PTPRD: variants seen among roughly 807,000 people sequenced by gnomAD.
PTPRD encodes protein tyrosine phosphatase receptor type D.
Under a neutral mutation model 214.5 loss-of-function variants are expected in PTPRD, and 34 were observed. The observed-to-expected ratio is 0.16, with a 90% CI of 0.12 to 0.21. The LOEUF is 0.21. PTPRD is among the 10% of genes least tolerant of loss of function. The pLI is 1.00. For synonymous variants in PTPRD, 1,128 were observed against 845.7 expected (o/e 1.33, Z -5.79); for missense variants, 2,545 against 2,398.7 (o/e 1.06, Z -1.27).
At chr9:9,504,045 A>T (rs1192646322) in intron 8 of PTPRD, among the ~76,000 whole-genome samples, 2 of 151,620 alleles carry the variant, frequency 1.3e-5, no homozygotes, top group African/African-American at 2.4e-5. Flanking sequence ...CCCCAAATGC[A>T]CCACATAGTT....
At chr9:9,318,202 CAAACAA>C (rs1569567317) in intron 9 of PTPRD, among the ~76,000 whole-genome samples, 1 of 140,310 alleles carries the variant, frequency 7.1e-6, no homozygotes, top group African/African-American at 2.7e-5. Context: ...AACAAACAAA[CAAACAA>C]AAACAAACAA....
chr9:10,602,706 T>C (rs2078285582), intron 2 of PTPRD, among the ~76,000 whole-genome samples: 1 of 151,862 alleles, frequency 6.6e-6, no homozygotes, highest in South Asian at 2.1e-4. Flanking sequence ...CCACAAATAA[T>C]TGTAATTAAA....
chr9:9,741,167 A>C (rs1272918749), intron 6 of PTPRD, among the ~76,000 whole-genome samples: 1 of 152,196 alleles, frequency 6.6e-6, no homozygotes, highest in African/African-American at 2.4e-5. Flanking sequence ...AAAACGCTAT[A>C]GCTTTTTCTG....
At chr9:10,465,549 G>T (rs774016241) in intron 2 of PTPRD, among the ~76,000 whole-genome samples, 3 of 152,008 alleles carry the variant, frequency 2.0e-5, no homozygotes, top group Non-Finnish European at 4.4e-5. Context: ...GATTATACCG[G>T]AACTGAAAAA....
intron 8 of PTPRD, among the ~76,000 whole-genome samples, chr9:9,459,965 C>A (rs1043488299): frequency 7.2e-5 from 11 of 151,976 alleles, no homozygotes; most frequent in Admixed American, 6.6e-4. Context: ...CTATAGTAAC[C>A]AAAACACCAT....
intron 2 of PTPRD, among the ~76,000 whole-genome samples, chr9:10,481,202 A>C (rs989406178): frequency 6.6e-6 from 1 of 152,208 alleles, no homozygotes; most frequent in Non-Finnish European, 1.5e-5. Flanking sequence ...TTAAGGGCAT[A>C]GACGGTATAT....
intron 27 of PTPRD, 87 bp from the exon 28 acceptor site, chr9:8,486,436 T>C (rs763856636): frequency 1.8e-6 from 2 of 1,141,146 alleles, no homozygotes; most frequent in South Asian, 2.5e-5. Flanking sequence ...TCCACTCTAC[T>C]GGTATTCCCA....
chr9:8,896,436 T>G (rs1240403160), intron 11 of PTPRD, among the ~76,000 whole-genome samples: 1 of 152,112 alleles, frequency 6.6e-6, no homozygotes, highest in Non-Finnish European at 1.5e-5. Flanking sequence ...TTACCCAAGC[T>G]TAAAATAGCA....
intron 7 of PTPRD, among the ~76,000 whole-genome samples, chr9:9,656,280 T>C (rs2096510796): frequency 6.6e-6 from 1 of 152,326 alleles, no homozygotes; most frequent in East Asian, 1.9e-4. Flanking sequence ...CAAAATGCGT[T>C]GAAAACTTAT....
At chr9:9,971,082 T>C (rs957302417) in intron 4 of PTPRD, among the ~76,000 whole-genome samples, 39 of 152,220 alleles carry the variant, frequency 2.6e-4, no homozygotes, top group Admixed American at 2.2e-3. Flanking sequence ...TAATTGGTTC[T>C]ATTTGTCACC....
chr9:10,562,837 A>T (rs1474582840), intron 2 of PTPRD, among the ~76,000 whole-genome samples: 1 of 152,150 alleles, frequency 6.6e-6, no homozygotes, highest in Non-Finnish European at 1.5e-5. Flanking sequence ...CTTAGAGTCA[A>T]GATTTGCTCA....
chr9:9,823,566 C>G (rs2051557638), intron 5 of PTPRD, among the ~76,000 whole-genome samples: 1 of 152,012 alleles, frequency 6.6e-6, no homozygotes, highest in Middle Eastern at 3.4e-3. Context: ...GAATAAGATC[C>G]TATCATTTGA....
intron 4 of PTPRD, among the ~76,000 whole-genome samples, chr9:9,999,446 C>T (rs913524508): frequency 6.6e-5 from 10 of 152,266 alleles, no homozygotes; most frequent in Middle Eastern, 6.8e-3. Flanking sequence ...TCAAAATTTG[C>T]CACCAAATAT....
intron 8 of PTPRD, among the ~76,000 whole-genome samples, chr9:9,572,550 CATATATATATGTAT>C (rs2086777296): frequency 8.3e-6 from 1 of 121,164 alleles, no homozygotes; most frequent in African/African-American, 3.2e-5. Context: ...TATACAATGG[CATATATATATGTAT>C]ATATATATAT....
intron 5 of PTPRD, among the ~76,000 whole-genome samples, chr9:9,775,422 T>C (rs1232223943): frequency 6.6e-6 from 1 of 152,214 alleles, no homozygotes. Context: ...TTTAACCTGT[T>C]TGACCTCATT....
At chr9:9,153,198 T>C (rs939071625) in intron 10 of PTPRD, among the ~76,000 whole-genome samples, 1 of 152,230 alleles carries the variant, frequency 6.6e-6, no homozygotes, top group African/African-American at 2.4e-5. Context: ...ATTTCTTCAA[T>C]AGCATCAGCT....
chr9:9,324,061 T>C (rs1307463449), intron 9 of PTPRD, among the ~76,000 whole-genome samples: 1 of 152,232 alleles, frequency 6.6e-6, no homozygotes, highest in African/African-American at 2.4e-5. Context: ...GTAGTATATG[T>C]GCCACATTTT....
At position 8,432,300 on chromosome 9, in the gene PTPRD, C is replaced by T. The variant is rs150784299; in HGVS notation, c.4086+4292G>A. 1.8e-3 allele frequency among the ~76,000 whole-genome samples: 275 copies of T among 152,324 alleles called. 1 individual carries two copies. The highest frequency in any genetic ancestry group is 3.3e-3 in the Admixed American group (51 of 15,294). ...GGACATCTAAAGTGTTTATAAAGAC[C>T]TGCAGAGATGGGGTTACACTAATTT... On this transcript the variant is annotated intron_variant, in intron 35 of 45. Coordinates refer to ENST00000381196, the MANE Select transcript of PTPRD (RefSeq NM_002839.4).
chr9:8,490,241 C>T (rs977595846), intron 27 of PTPRD, among the ~76,000 whole-genome samples: 4 of 152,200 alleles, frequency 2.6e-5, no homozygotes, highest in African/African-American at 9.6e-5. Context: ...CTAAAACTTA[C>T]GTCATGACAT....
Sources: gnomAD v4.1 joint callset for allele counts (sites outside exome capture counted in the v4.1 genomes callset) on GRCh38, gnomAD v4.1.1 for gene constraint, MANE v1.5 for transcripts, NCBI Gene and HGNC (gene_info 2026-07-23, HGNC 2026-07-21) for gene names.